The following GFRA1 variants were observed in gnomAD, a reference collection of about 807,000 sequenced individuals.
GFRA1 encodes GDNF family receptor alpha-1.
In GFRA1, 16 loss-of-function variants were observed where a neutral mutation model predicts 51.6. The observed-to-expected ratio is 0.31, with a 90% CI of 0.21 to 0.47. The LOEUF is 0.47. Ranked by LOEUF, GFRA1 falls within the 20% of genes least tolerant of loss-of-function variation. The pLI, the probability that GFRA1 is intolerant of heterozygous loss-of-function variation, is 1.00. For missense variants in GFRA1, 530 were observed against 594.3 expected, an observed-to-expected ratio of 0.89 and a Z score of 1.13; for synonymous variants, 270 against 241.3, an observed-to-expected ratio of 1.12 and a Z score of -1.10.
intron 6 of GFRA1, 116 bp from the exon 7 acceptor site, chr10:116,096,880 CGCA>C: frequency 1.3e-5 from 2 of 154,078 alleles, no homozygotes; most frequent in South Asian, 8.5e-5. Flanking sequence ...CACACGCACA[CGCA>C]CACACACACA....
chr10:116,259,112 G>C (rs1318060481), intron 4 of GFRA1, among the ~76,000 whole-genome samples: 2 of 152,116 alleles, frequency 1.3e-5, no homozygotes, highest in Non-Finnish European at 2.9e-5. Flanking sequence ...GAAAACTGCT[G>C]GCCTTCTCCT....
intron 6 of GFRA1, among the ~76,000 whole-genome samples, chr10:116,112,170 T>C (rs1457785844): frequency 3.9e-5 from 6 of 152,166 alleles, no homozygotes; most frequent in African/African-American, 1.2e-4. Flanking sequence ...ATTTTGTCCA[T>C]TCGATTTTGC....
intron 4 of GFRA1, among the ~76,000 whole-genome samples, chr10:116,262,713 A>T (rs1969384542): frequency 6.6e-6 from 1 of 152,172 alleles, no homozygotes; most frequent in Non-Finnish European, 1.5e-5. Context: ...CAGGACAGGG[A>T]GAGAATAAAA....
chr10:116,107,190 G>C (rs1016853624), intron 6 of GFRA1, among the ~76,000 whole-genome samples: 5 of 152,112 alleles, frequency 3.3e-5, no homozygotes, highest in African/African-American at 1.2e-4. Flanking sequence ...AATGTTCCTG[G>C]TAGGGTTAAA....
At chr10:116,269,625 C>T (rs780729971) in intron 3 of GFRA1, 39 bp from the exon 4 acceptor site, 43 of 1,234,796 alleles carry the variant, frequency 3.5e-5, no homozygotes, top group Non-Finnish European at 5.0e-5. Flanking sequence ...ATCAGAAAAA[C>T]ATATATTTCA....
chr10:116,257,746 T>C (rs950347966), intron 4 of GFRA1, among the ~76,000 whole-genome samples: 1 of 152,200 alleles, frequency 6.6e-6, no homozygotes, highest in African/African-American at 2.4e-5. Flanking sequence ...TTTCATGCGA[T>C]TCAATCTAAA....
intron 8 of GFRA1, among the ~76,000 whole-genome samples, chr10:116,093,036 T>G (rs1956418206): frequency 6.6e-6 from 1 of 152,156 alleles, no homozygotes; most frequent in African/African-American, 2.4e-5. Context: ...CCAAACTGCC[T>G]TAAGGACACT....
chr10:116,257,834 C>T (rs1968992601), intron 4 of GFRA1, among the ~76,000 whole-genome samples: 1 of 152,204 alleles, frequency 6.6e-6, no homozygotes, highest in Admixed American at 6.5e-5. Context: ...CTGAGTGTGA[C>T]AAACCTGCCT....
At chr10:116,259,859 G>A (rs1371106904) in intron 4 of GFRA1, among the ~76,000 whole-genome samples, 2 of 152,200 alleles carry the variant, frequency 1.3e-5, no homozygotes, top group Admixed American at 6.5e-5. Context: ...CCTCAGAAAT[G>A]AGAGGGCACA....
At chr10:116,164,337 C>A (rs1400639592) in intron 5 of GFRA1, among the ~76,000 whole-genome samples, 3 of 151,458 alleles carry the variant, frequency 2.0e-5, no homozygotes, top group Admixed American at 2.0e-4. Flanking sequence ...AAAAAAAAAC[C>A]CAATCCAACA....
intron 6 of GFRA1, among the ~76,000 whole-genome samples, chr10:116,113,831 C>A (rs981542314): frequency 2.0e-5 from 3 of 152,140 alleles, no homozygotes; most frequent in Non-Finnish European, 4.4e-5. Context: ...AACGACAGCT[C>A]CCACTTCCAA....
intron 5 of GFRA1, among the ~76,000 whole-genome samples, chr10:116,154,995 T>TA (rs1315290798): frequency 6.6e-6 from 1 of 152,168 alleles, no homozygotes; most frequent in African/African-American, 2.4e-5. Flanking sequence ...AGACCTTACC[T>TA]ACTTTCTGGA....
intron 9 of GFRA1, among the ~76,000 whole-genome samples, chr10:116,085,287 T>C (rs1056441018): frequency 6.6e-6 from 1 of 152,180 alleles, no homozygotes; most frequent in African/African-American, 2.4e-5. Flanking sequence ...GAAATCTATC[T>C]CAAATGTTAA....
chr10:116,168,131 C>T (rs1589840037), intron 5 of GFRA1, among the ~76,000 whole-genome samples: 1 of 129,510 alleles, frequency 7.7e-6, no homozygotes, highest in African/African-American at 2.9e-5. Flanking sequence ...TTCAAACCTT[C>T]AAAAACCAGG....
intron 5 of GFRA1, among the ~76,000 whole-genome samples, chr10:116,167,699 G>T (rs1211776486): frequency 3.3e-5 from 5 of 152,118 alleles, no homozygotes; most frequent in African/African-American, 1.2e-4. Flanking sequence ...AGGTCCCCGG[G>T]CTCCAACCTT....
chr10:116,167,771 C>G (rs1960624490), intron 5 of GFRA1, among the ~76,000 whole-genome samples: 1 of 152,214 alleles, frequency 6.6e-6, no homozygotes, highest in Non-Finnish European at 1.5e-5. Flanking sequence ...ATCAAGCATT[C>G]TAAGTGACCA....
chr10:116,109,589 G>A (rs1035522828), intron 6 of GFRA1, among the ~76,000 whole-genome samples: 10 of 152,174 alleles, frequency 6.6e-5, no homozygotes, highest in Admixed American at 5.2e-4. Context: ...CCCCCAGAGG[G>A]CACCCAGAAG....
chr10:116,271,352 G>A (rs935218689), intron 2 of GFRA1, among the ~76,000 whole-genome samples: 2 of 152,060 alleles, frequency 1.3e-5, no homozygotes, highest in African/African-American at 2.4e-5. Flanking sequence ...CTCAGCCCGC[G>A]GGCTTCAAGG....
At chr10:116,154,726 T>C (rs34104075) in intron 5 of GFRA1, among the ~76,000 whole-genome samples, 22,768 of 152,260 alleles carry the variant, frequency 0.15, 2,071 homozygotes, top group East Asian at 0.2. Flanking sequence ...TTAAAAATAG[T>C]GACTCCTAAT....
Sources: gnomAD v4.1 joint callset for allele counts (sites outside exome capture counted in the v4.1 genomes callset) on GRCh38, gnomAD v4.1.1 for gene constraint, MANE v1.5 for transcripts, NCBI Gene and HGNC (gene_info 2026-07-23, HGNC 2026-07-21) for gene names.